Variants in AADAT observed in about 807,000 individuals in gnomAD.
AADAT encodes the protein aminoadipate aminotransferase, also known as kynurenine/alpha-aminoadipate aminotransferase, mitochondrial.
Under a neutral mutation model 56.2 loss-of-function variants are expected in AADAT, and 25 were observed. The observed-to-expected ratio is 0.44, with a 90% CI of 0.32 to 0.62. AADAT has a LOEUF of 0.62. Ranked by LOEUF, AADAT falls within the 20% of genes least tolerant of loss-of-function variation. The probability of loss-of-function intolerance (pLI) is 0.04; values close to 1 mark genes in which losing one functional copy is unlikely to be tolerated. For missense variants in AADAT, 387 were observed against 510.5 expected (o/e 0.76, Z 2.33); for synonymous variants, 173 against 164.7 (o/e 1.05, Z -0.39).
rs762011420 is a variant in AADAT at position 170,061,984 on chromosome 4, G to A, written c.1144C>T (p.Leu382Phe). Residue 382 changes from leucine (L) to phenylalanine (F), a missense_variant, in exon 12 of 13, where the codon CTC (leucine) becomes TTC (phenylalanine). By Grantham distance (22) the Leu-to-Phe change is conservative (BLOSUM62 0). Coordinates refer to ENST00000337664, the MANE Select transcript of AADAT (RefSeq NM_016228.4). ...EKAVKMGVLM[L>F]PGNAFYVDSS... ...TCGACGTAGAAAGCATTTCCAGGGAGCATTAATACCTAAGAGAGTTTGTGG... is the reference window on the plus strand; with the variant it reads ...TCGACGTAGAAAGCATTTCCAGGGAACATTAATACCTAAGAGAGTTTGTGG... 3.1e-6 allele frequency: 5 copies of A among 1,610,798 alleles called. No individual in the cohort carries two copies. In the South Asian group the frequency reaches 5.5e-5, roughly 18 times the overall value.
chr4:170,068,832 C>G, intron 7 of AADAT, 145 bp from the exon 8 acceptor site: 1 of 585,802 alleles, frequency 1.7e-6, no homozygotes, highest in Non-Finnish European at 2.9e-6. Context: ...CTAACTACTT[C>G]TTATTTCAAA....
intron 11 of AADAT, 125 bp from the exon 12 acceptor site, chr4:170,062,118 G>GA: frequency 2.0e-6 from 1 of 512,600 alleles, no homozygotes; most frequent in Non-Finnish European, 3.3e-6. Context: ...GAAATCACAA[G>GA]AAAAAATACT....
intron 11 of AADAT, 70 bp from the exon 12 acceptor site, chr4:170,062,063 A>G (rs1731219461): frequency 7.0e-6 from 7 of 1,001,958 alleles, no homozygotes; most frequent in Admixed American, 2.2e-5. Context: ...AGTTAAGCCT[A>G]ATCTCAGAGT....
intron 4 of AADAT, among the ~76,000 whole-genome samples, chr4:170,076,653 T>C (rs1732049421): frequency 6.6e-6 from 1 of 152,206 alleles, no homozygotes; most frequent in South Asian, 2.1e-4. Flanking sequence ...AAATATTTTC[T>C]CCCACTGTAT....
chr4:170,070,529 G>T (rs1731705595), intron 6 of AADAT, 58 bp downstream of exon 6: 1 of 1,262,702 alleles, frequency 7.9e-7, no homozygotes, highest in Non-Finnish European at 1.1e-6. Context: ...CCAACACAGT[G>T]CAGTAACTTA....
chr4:170,085,443 C>T (rs1016283385), intron 3 of AADAT, among the ~76,000 whole-genome samples: 2 of 152,112 alleles, frequency 1.3e-5, no homozygotes, highest in African/African-American at 2.4e-5. Flanking sequence ...TAACATGACT[C>T]CTGGAGAACA....
intron 6 of AADAT, 124 bp downstream of exon 6, chr4:170,070,463 T>C (rs1731702390): frequency 3.1e-6 from 2 of 646,130 alleles, no homozygotes; most frequent in Middle Eastern, 3.3e-4. Context: ...TAATCATAAT[T>C]GATTTATTTT....
At chr4:170,074,011 T>C (rs567627624) in intron 4 of AADAT, among the ~76,000 whole-genome samples, 52 of 152,224 alleles carry the variant, frequency 3.4e-4, no homozygotes, top group African/African-American at 1.2e-3. Context: ...AGATTGACCA[T>C]GTTTCAGATA....
upstream of AADAT, among the ~76,000 whole-genome samples, chr4:170,092,648 TG>T (rs2111229587): frequency 6.6e-6 from 1 of 152,350 alleles, no homozygotes; most frequent in Non-Finnish European, 1.5e-5. Context: ...TTCAAGTAGT[TG>T]AAATCCCATT....
At chr4:170,088,359 A>T in intron 2 of AADAT, 37 bp downstream of exon 2, 1 of 1,532,596 alleles carries the variant, frequency 6.5e-7, no homozygotes, top group Non-Finnish European at 8.9e-7. Context: ...TCTTATGAAA[A>T]TAAGCCAATA....
intron 3 of AADAT, among the ~76,000 whole-genome samples, chr4:170,083,634 A>T (rs1003993899): frequency 6.6e-6 from 1 of 152,182 alleles, no homozygotes; most frequent in Non-Finnish European, 1.5e-5. Context: ...AAAAGGCATT[A>T]AAAAAGTTCA....
upstream of AADAT, among the ~76,000 whole-genome samples, chr4:170,092,243 C>T (rs113993423): frequency 4.6e-5 from 7 of 152,378 alleles, no homozygotes; most frequent in South Asian, 4.1e-4. Context: ...CTGCTGCTGA[C>T]TCTTTGGGTC....
intron 4 of AADAT, among the ~76,000 whole-genome samples, chr4:170,074,046 C>T (rs1299274056): frequency 2.0e-5 from 3 of 152,020 alleles, no homozygotes; most frequent in African/African-American, 7.3e-5. Context: ...CAATCTGGGG[C>T]TTAGAAGAAA....
At chr4:170,088,306 G>A in intron 2 of AADAT, 90 bp downstream of exon 2, 1 of 1,333,360 alleles carries the variant, frequency 7.5e-7, no homozygotes. Flanking sequence ...ATGGACCTTA[G>A]AATATTTCTT....
At chr4:170,079,562 TTAAAG>T (rs1432723597) in intron 3 of AADAT, among the ~76,000 whole-genome samples, 3 of 152,180 alleles carry the variant, frequency 2.0e-5, no homozygotes, top group Admixed American at 6.5e-5. Flanking sequence ...AAGGGTCATC[TTAAAG>T]TAGAGTGGTG....
intron 3 of AADAT, among the ~76,000 whole-genome samples, chr4:170,086,232 T>C: frequency 6.7e-6 from 1 of 150,276 alleles, no homozygotes; most frequent in East Asian, 2.0e-4. Flanking sequence ...GGTGACAGGG[T>C]GAGACCCTGT....
chr4:170,072,091 C>G (rs535984113), intron 5 of AADAT, among the ~76,000 whole-genome samples: 1 of 152,004 alleles, frequency 6.6e-6, no homozygotes, highest in East Asian at 1.9e-4. Context: ...GGCAATGTGC[C>G]GGTCATCGTG....
chr4:170,071,052 A>G (rs1192693414), intron 5 of AADAT, among the ~76,000 whole-genome samples: 2 of 152,194 alleles, frequency 1.3e-5, no homozygotes, highest in East Asian at 3.8e-4. Flanking sequence ...AGCTGGGATT[A>G]CAGGCATGCA....
chr4:170,060,323 A>C lies in AADAT; in HGVS notation c.*605T>G, dbSNP rs1374834945. ...TCACTTATAATGACCAAATTATAAC[A>C]ATTTTTGCAATAAGCTCTCATTAAA... On this transcript the variant is annotated 3_prime_UTR_variant, in exon 13 of 13. Transcript: ENST00000337664. 6.6e-6 allele frequency: 1 copy of C among 152,190 alleles called. No homozygotes were observed. The highest frequency in any genetic ancestry group is 1.5e-5 in the Non-Finnish European group (1 of 68,038). The allele number at this position is 152,190 out of a possible 1,614,324, so 9.4% of individuals were successfully genotyped here.
Sources: gnomAD v4.1 joint callset for allele counts (sites outside exome capture counted in the v4.1 genomes callset) on GRCh38, gnomAD v4.1.1 for gene constraint, MANE v1.5 for transcripts, NCBI Gene and HGNC (gene_info 2026-07-23, HGNC 2026-07-21) for gene names.